The following UNC13D variants were observed in gnomAD, a reference collection of about 807,000 sequenced individuals.
UNC13D encodes the protein unc-13 homolog D.
In UNC13D, 115 loss-of-function variants were observed where a neutral mutation model predicts 151.7. The ratio of observed to expected loss-of-function variants is 0.76; its 90% CI spans 0.65 to 0.88. UNC13D has a LOEUF of 0.88. Ranked by LOEUF, UNC13D falls within the 40% of genes least tolerant of loss-of-function variation. The probability of loss-of-function intolerance (pLI) is 0.00; values close to 1 mark genes in which losing one functional copy is unlikely to be tolerated. For missense variants in UNC13D, 1,369 were observed against 1,438.7 expected, an observed-to-expected ratio of 0.95 and a Z score of 0.78; for synonymous variants, 588 against 612.2, an observed-to-expected ratio of 0.96 and a Z score of 0.58.
chr17:75,839,723 A>C, intron 12 of UNC13D, 116 bp downstream of exon 12: 3 of 1,165,512 alleles, frequency 2.6e-6, no homozygotes, highest in Non-Finnish European at 3.8e-6. Flanking sequence ...TAAAACACAC[A>C]TTTTGGGCCA....
At chr17:75,838,461 T>C (rs1567820235) in intron 12 of UNC13D, among the ~76,000 whole-genome samples, 1 of 151,908 alleles carries the variant, frequency 6.6e-6, no homozygotes. Flanking sequence ...TCAAGTGATC[T>C]GCCTGTCTCG....
intron 19 of UNC13D, 53 bp from the exon 20 acceptor site, chr17:75,835,582 G>A: frequency 6.2e-7 from 1 of 1,610,076 alleles, no homozygotes; most frequent in African/African-American, 1.3e-5. Context: ...CATGGACCCT[G>A]GGGCCTCGTC....
chr17:75,841,675 C>A (rs1318124037), intron 6 of UNC13D, among the ~76,000 whole-genome samples: 3 of 150,932 alleles, frequency 2.0e-5, no homozygotes, highest in African/African-American at 7.3e-5. Context: ...CTCCTGACCT[C>A]AGGTGATCCA....
chr17:75,839,711 C>T, intron 12 of UNC13D, 128 bp downstream of exon 12: 1 of 1,062,040 alleles, frequency 9.4e-7, no homozygotes. Flanking sequence ...TGATTCAAAA[C>T]TTAAAACACA....
rs749672259 is a variant in UNC13D, at chr17:75,843,490, G to C, written c.147C>G (p.Pro49=). The C allele has an allele frequency of 1.2e-6, 2 of 1,610,526 alleles. No homozygotes were observed. Among genetic ancestry groups the C allele is most frequent in the South Asian group, 1.1e-5 (1 of 90,318 alleles). The change falls in exon 2 of 32, where the codon CCC becomes CCG. Residue 49 remains proline, a synonymous_variant. Transcript: ENST00000207549. ...CCAGCACTCTGACTCTTACCTGCTC[G>C]GGGGAGAAGTGGTGGGATGGAGGCT... ...EIQPPSHHFS[P]EQRALLYEDA...
intron 3 of UNC13D, 21 bp from the exon 4 acceptor site, chr17:75,843,094 T>TG: frequency 1.0e-6 from 1 of 960,594 alleles, no homozygotes; most frequent in African/African-American, 1.7e-5. Flanking sequence ...GGCAGGCGGG[T>TG]GGGTGGCTGG....
chr17:75,832,762 C>A lies in UNC13D; in HGVS notation c.2447+204G>T. 1 of 556,820 alleles carries A rather than the reference C, an allele frequency of 1.8e-6. No individual in the cohort carries two copies. Among genetic ancestry groups the A allele is most frequent in the Admixed American group, 2.9e-5 (1 of 34,228 alleles). The allele number at this position is 556,820 out of a possible 1,614,324, so 34.5% of individuals were successfully genotyped here. ...AGCCTGTTGCACCCATAAGGGAGGT[C>A]ACCAAAGGGATTCACCTCCACCCCT... On this transcript the variant is annotated intron_variant, in intron 25 of 31. Coordinates refer to ENST00000207549, the MANE Select transcript of UNC13D (RefSeq NM_199242.3). The surrounding 1 kb of genome is among the most constrained non-coding windows in gnomAD (Gnocchi z 4.3).
At chr17:75,844,185 C>T (rs985279529) in intron 1 of UNC13D, 36 bp downstream of exon 1, 7 of 1,606,116 alleles carry the variant, frequency 4.4e-6, no homozygotes, top group Non-Finnish European at 5.9e-6. Flanking sequence ...CAGTGCTCCC[C>T]AAGGCCAGCT....
intron 29 of UNC13D, 51 bp downstream of exon 29, chr17:75,830,311 G>A (rs1465319191): frequency 6.3e-7 from 1 of 1,581,700 alleles, no homozygotes; most frequent in Admixed American, 1.8e-5. Context: ...CGCTGAGACA[G>A]GAGGGCCAGG....
chr17:75,843,122 G>C (rs1287687160), intron 3 of UNC13D, 37 bp downstream of exon 3: 2 of 1,608,866 alleles, frequency 1.2e-6, no homozygotes, highest in African/African-American at 2.7e-5. Flanking sequence ...AGACAGGGCA[G>C]CTGCAGGAAG....
chr17:75,842,838 G>C lies in UNC13D; in HGVS notation c.388+19C>G. On this transcript the variant is annotated intron_variant, in intron 5 of 31. Coordinates refer to ENST00000207549, the MANE Select transcript of UNC13D (RefSeq NM_199242.3). ...AGGAGCCAGGAAGAAGCCCCTTGGG[G>C]ACCCCACCCCATGCTCACCACTGAC... 2 of 1,613,540 alleles carry C rather than the reference G, an allele frequency of 1.2e-6. No homozygotes were observed. Among genetic ancestry groups the C allele is most frequent in the Non-Finnish European group, 1.7e-6 (2 of 1,179,974 alleles).
Position 75,830,426 on chromosome 17 carries a change from G to A in UNC13D, c.2766C>T (p.Ala922=). ...GCTCCACACGCAGCTTCTGCTCAGA[G>A]GCGCGGTAGGAGGCCTTGACTGTCA... ...GAVTVKASYR[A]SEQKLRVELL... Residue 922 remains alanine (A), a synonymous_variant, in exon 29 of 32, where the codon GCC becomes GCT. Transcript: ENST00000207549. The A allele has an allele frequency of 6.3e-7, 1 of 1,585,970 alleles. No homozygotes were observed. The highest frequency in any genetic ancestry group is 2.1e-4 in the Middle Eastern group (1 of 4,808).
Position 75,839,890 on chromosome 17 carries a change from A to T in UNC13D, c.1004T>A (p.Leu335His). The T allele has an allele frequency of 6.2e-7, 1 of 1,613,904 alleles. No individual in the cohort carries two copies. The change falls in exon 12 of 32, where the codon CTC becomes CAC. Residue 335 changes from leucine to histidine, a missense_variant. Leu to His is a moderately conservative substitution (Grantham distance 99, BLOSUM62 -3). This residue lies in a region of UNC13D where 550 missense variants were observed against 609.0 expected (regional missense o/e 0.90). Transcript: ENST00000207549. ...GTCCTTCTGTGTGGCGTGCAGAAAG[A>T]GGACGGTGGCAGCCTGGGGACTCAG... The part of the protein sequence containing the change: ...GSLSPQAATV[L>H]FLHATQKDLS...
Position 75,830,167 on chromosome 17 carries a change from G to A in UNC13D, c.2831-16C>T. Reference sequence around the variant, plus strand: ...TCGCTGGAGCCTGGTAAGTGGCCGGGGAGTGTGCGTCAGCTGAGGGTCTCC... The same window carrying A: ...TCGCTGGAGCCTGGTAAGTGGCCGGAGAGTGTGCGTCAGCTGAGGGTCTCC... On this transcript the variant is annotated splice_polypyrimidine_tract_variant and intron_variant, in intron 29 of 31. Transcript: ENST00000207549. The A allele has an allele frequency of 6.3e-7, 1 of 1,585,188 alleles. No homozygotes were observed. The highest frequency in any genetic ancestry group is 1.2e-5 in the South Asian group (1 of 86,544).
intron 31 of UNC13D, 37 bp from the exon 32 acceptor site, chr17:75,828,123 GAGAGGGC>G (rs1567815649): frequency 6.4e-7 from 1 of 1,563,566 alleles, no homozygotes; most frequent in Admixed American, 1.9e-5. Flanking sequence ...GATGCCAGGG[GAGAGGGC>G]AGTGCCTGGT....
Position 75,831,114 on chromosome 17 carries a change from T to G in UNC13D, c.2609A>C (p.His870Pro). The change falls in exon 27 of 32, where the codon CAC (histidine) becomes CCC (proline). Residue 870 changes from histidine (H) to proline (P), a missense_variant. His to Pro is a moderately conservative substitution (Grantham distance 77). Coordinates refer to ENST00000207549, the MANE Select transcript of UNC13D (RefSeq NM_199242.3). ...EGCGLPPKAL[H>P]TATFQALQRD... ...AGCCCCTACCTGGAAGGTGGCAGTG[T>G]GCAGGGCCTTGGGTGGCAGGCCACA... is the stretch of plus-strand genomic sequence containing the variant. The G allele has an allele frequency of 6.2e-7, 1 of 1,613,974 alleles. No individual in the cohort carries two copies. Among genetic ancestry groups the G allele is most frequent in the Non-Finnish European group, 8.5e-7 (1 of 1,180,026 alleles).
In UNC13D at chr17:75,843,053, C is replaced by T; in HGVS notation, c.282G>A (p.Glu94=). ...YLQEAFHVEP[E]EHQQTLQRVR... The stretch of plus-strand genomic sequence containing the variant: ...CCCGCTGCAGTGTCTGCTGGTGCTC[C>T]TCGGGCTCCACGTGGAAGGCCTGGT... Residue 94 remains glutamate, a synonymous_variant, in exon 4 of 32, where the codon GAG becomes GAA. Coordinates refer to ENST00000207549, the MANE Select transcript of UNC13D (RefSeq NM_199242.3). 6.2e-7 allele frequency: 1 copy of T among 1,608,064 alleles called. No homozygotes were observed. The highest frequency in any genetic ancestry group is 8.5e-7 in the Non-Finnish European group (1 of 1,178,074).
intron 20 of UNC13D, 55 bp downstream of exon 20, chr17:75,835,353 AC>A: frequency 6.3e-7 from 1 of 1,595,458 alleles, no homozygotes; most frequent in Admixed American, 1.7e-5. Flanking sequence ...TCCAGGCAGA[AC>A]CCAAGCCTCA....
intron 21 of UNC13D, 81 bp from the exon 22 acceptor site, chr17:75,834,797 G>C: frequency 6.2e-7 from 1 of 1,607,718 alleles, no homozygotes; most frequent in Non-Finnish European, 8.5e-7. Flanking sequence ...GGGAATTTCA[G>C]CGACTTGGGG....
Sources: allele counts gnomAD v4.1 joint callset (sites outside exome capture counted in the v4.1 genomes callset), GRCh38; gene constraint gnomAD v4.1.1; regional missense constraint gnomAD v4.1.1; non-coding constraint Gnocchi (gnomAD v3.1); transcripts MANE v1.5; gene names NCBI Gene and HGNC (gene_info 2026-07-23, HGNC 2026-07-21).